The following DNAH17 variants were observed in gnomAD, a reference collection of about 807,000 sequenced individuals.
DNAH17 encodes dynein axonemal heavy chain 17.
Under a neutral mutation model 485.6 loss-of-function variants are expected in DNAH17, and 376 were observed. The ratio of observed to expected loss-of-function variants is 0.77; its 90% CI spans 0.71 to 0.84. The LOEUF (loss-of-function observed/expected upper bound fraction) is 0.84. Ranked by LOEUF, DNAH17 falls within the 40% of genes least tolerant of loss-of-function variation. The pLI, the probability that DNAH17 is intolerant of heterozygous loss-of-function variation, is 0.00. For missense variants in DNAH17, 6,370 were observed against 5,839.3 expected (o/e 1.09, Z -2.96); for synonymous variants, 3,031 against 2,405.9 (o/e 1.26, Z -7.60).
chr17:78,494,309 A>T, intron 40 of DNAH17, 136 bp from the exon 41 acceptor site: 6 of 1,310,474 alleles, frequency 4.6e-6, no homozygotes, highest in Non-Finnish European at 6.1e-6. Context: ...TGCGTCTGCA[A>T]GTTCTGCTGT....
intron 30 of DNAH17, 149 bp downstream of exon 30, chr17:78,506,571 G>T: frequency 8.5e-7 from 1 of 1,177,126 alleles, no homozygotes; most frequent in Non-Finnish European, 1.2e-6. Flanking sequence ...GGGGACCCCA[G>T]GGCAGCTTCT....
chr17:78,466,810 G>GGAT lies in DNAH17; in HGVS notation c.8782_8784dup (p.Ile2928dup). 2 of 1,585,318 alleles carry GGAT rather than the reference G, an allele frequency of 1.3e-6. No individual in the cohort carries two copies. Among genetic ancestry groups the GGAT allele is most frequent in the Non-Finnish European group, 1.7e-6 (2 of 1,166,486 alleles). On this transcript the variant is annotated inframe_insertion, in exon 56 of 81. Coordinates refer to ENST00000389840, the MANE Select transcript of DNAH17 (RefSeq NM_173628.4). Reference sequence around the variant, plus strand: ...ACGGAGCCCACAGGGGAGAAACACAGGATCACCTGGGTGTGGGAGACACAG... The same window carrying GGAT: ...ACGGAGCCCACAGGGGAGAAACACAGGATGATCACCTGGGTGTGGGAGACACAG...
At chr17:78,501,698 T>TC (rs753505938) in intron 34 of DNAH17, 44 bp downstream of exon 34, 1 of 1,599,952 alleles carries the variant, frequency 6.3e-7, no homozygotes, top group South Asian at 1.1e-5. Flanking sequence ...GAACCCGGTG[T>TC]CCCCTTGCCC....
chr17:78,462,612 C>A (rs1456486465), intron 57 of DNAH17, among the ~76,000 whole-genome samples: 2 of 152,212 alleles, frequency 1.3e-5, no homozygotes, highest in African/African-American at 4.8e-5. Context: ...GTGTAATGCG[C>A]CCTCCATACA....
chr17:78,510,751 G>GCGCCC (rs5822246), intron 26 of DNAH17: 30 of 378,308 alleles, frequency 7.9e-5, no homozygotes, highest in African/African-American at 5.6e-4. Context: ...CGGAATTGCG[G>GCGCCC]CCCCCCCGCA....
chr17:78,521,656 G>T (rs2090937621), intron 25 of DNAH17, among the ~76,000 whole-genome samples: 2 of 152,194 alleles, frequency 1.3e-5, no homozygotes, highest in African/African-American at 4.8e-5. Flanking sequence ...TGATAAAATG[G>T]ATTATACCCA....
chr17:78,513,354 GACA>G lies in DNAH17; in HGVS notation c.4113+1417_4113+1419del, dbSNP rs1189014847. ...ATTTTACCCCAAAATATGTTTCTTT[GACA>G]TAGTTTGAAATAGTCCTGCAAAGCT... On this transcript the variant is annotated intron_variant, in intron 26 of 80. Coordinates refer to ENST00000389840, the MANE Select transcript of DNAH17 (RefSeq NM_173628.4). Among the ~76,000 whole-genome samples the G allele has an allele frequency of 2.0e-5, 3 of 152,188 alleles. No homozygotes were observed. The East Asian group carries it at 5.8e-4, about 29-fold the overall frequency.
intron 26 of DNAH17, among the ~76,000 whole-genome samples, chr17:78,511,194 A>G (rs1598617542): frequency 6.6e-6 from 1 of 151,986 alleles, no homozygotes; most frequent in African/African-American, 2.4e-5. Context: ...TGGAACCTCC[A>G]CCTCCCGGGT....
intron 54 of DNAH17, chr17:78,472,782 C>G (rs1373708112): frequency 2.2e-6 from 1 of 454,232 alleles, no homozygotes; most frequent in Non-Finnish European, 4.4e-6. Context: ...CTCGTCGCAC[C>G]TGCCCACTTT....
intron 28 of DNAH17, 37 bp from the exon 29 acceptor site, chr17:78,507,406 C>T (rs776395050): frequency 8.7e-6 from 14 of 1,613,838 alleles, no homozygotes; most frequent in East Asian, 6.7e-5. Flanking sequence ...CATTAGGGAT[C>T]GCCACACACA....
At chr17:78,445,197 C>T (rs192117910) in intron 70 of DNAH17, among the ~76,000 whole-genome samples, 123 of 22,804 alleles carry the variant, frequency 5.4e-3, no homozygotes, top group Middle Eastern at 0.028. Context: ...ACTTCCCTTA[C>T]GCTGGGAGGA....
Position 78,533,516 on chromosome 17 carries a change from C to T in DNAH17, c.2860-780G>A, listed in dbSNP as rs536944178. On this transcript the variant is annotated intron_variant, in intron 19 of 80. Transcript: ENST00000389840. ...CTGTCGGTGGCTAGAGCAGAGAGCA[C>T]GAGAGGCCAGTGCTATACGGATCTT... Among the ~76,000 whole-genome samples, 5 of 152,196 alleles carry T rather than the reference C, an allele frequency of 3.3e-5. No individual in the cohort carries two copies. In the South Asian group the frequency reaches 6.2e-4, roughly 19 times the overall value.
At position 78,425,756 on chromosome 17, in the gene DNAH17, C is replaced by CTTTTTTTTTTTTTTTTT. The variant is rs71160294; in HGVS notation, c.12916-202_12916-186dup. 7.5e-5 allele frequency among the ~76,000 whole-genome samples: 9 copies of CTTTTTTTTTTTTTTTTT among 120,744 alleles called. 1 individual carries two copies. Among genetic ancestry groups the CTTTTTTTTTTTTTTTTT allele is most frequent in the African/African-American group, 3.4e-4 (9 of 26,236 alleles). 79.2% of individuals were successfully genotyped at this position (120,744 alleles called of 152,430 possible). On this transcript the variant is annotated intron_variant, in intron 79 of 80. Transcript: ENST00000389840. Reference sequence around the variant, plus strand: ...TACCATGACGCAACTTTGGTGTCTGCTTTTTTTTTTTTTTTTTTTTTTTTT... The same window carrying CTTTTTTTTTTTTTTTTT: ...TACCATGACGCAACTTTGGTGTCTGCTTTTTTTTTTTTTTTTTTTTTTTTTTTTTTTTTTTTTTTTTT...
chr17:78,537,187 A>AAAG (rs1555686712), intron 19 of DNAH17, 112 bp downstream of exon 19: 57,800 of 1,038,424 alleles, frequency 0.056, 93 homozygotes, highest in Non-Finnish European at 0.06. Flanking sequence ...CAAAAAAAAA[A>AAAG]AAAGAAAAAA....
intron 58 of DNAH17, among the ~76,000 whole-genome samples, chr17:78,461,137 C>T (rs184679634): frequency 3.3e-5 from 5 of 152,112 alleles, no homozygotes; most frequent in South Asian, 2.1e-4. Flanking sequence ...GGCCCGGAGC[C>T]GCACGTCTGA....
At chr17:78,569,696 C>CT (rs1432525282) in intron 7 of DNAH17, among the ~76,000 whole-genome samples, 169 bp from the exon 8 acceptor site, 6 of 152,274 alleles carry the variant, frequency 3.9e-5, no homozygotes, top group Non-Finnish European at 7.3e-5. Flanking sequence ...GCTGCTTCCC[C>CT]TCCTCGGCCC....
rs2088504404 is a variant in DNAH17, at chr17:78,467,050, G to A, written c.8779-234C>T. ...AGCAGTCCCAATCCCTCTGGAAGGG[G>A]CCCTTGCCTCTCTAAAAAAGGCCGG... On this transcript the variant is annotated intron_variant, in intron 55 of 80. Coordinates refer to ENST00000389840, the MANE Select transcript of DNAH17 (RefSeq NM_173628.4). 2.0e-5 allele frequency among the ~76,000 whole-genome samples: 3 copies of A among 152,222 alleles called. No individual in the cohort carries two copies. The South Asian group carries it at 6.2e-4, about 32-fold the overall frequency.
rs1406014410 is a variant in DNAH17, at chr17:78,465,183, C to T, written c.8940+1472G>A. 6.6e-5 allele frequency among the ~76,000 whole-genome samples: 10 copies of T among 152,328 alleles called. No homozygotes were observed. The East Asian group carries it at 1.4e-3, about 21-fold the overall frequency. On this transcript the variant is annotated intron_variant, in intron 56 of 80. Transcript: ENST00000389840. ...CTAACCGCAAGTGATCCGCCAGCCT[C>T]GGCCTCCCGAGGTGCCGGGATTGCA...
chr17:78,438,455 A>AGGAG (rs1189859133), intron 73 of DNAH17, among the ~76,000 whole-genome samples: 2 of 82,554 alleles, frequency 2.4e-5, no homozygotes, highest in Admixed American at 1.3e-4. Flanking sequence ...GGGAGGAGGG[A>AGGAG]GGAGGAGGAG....
Sources: allele counts gnomAD v4.1 joint callset (sites outside exome capture counted in the v4.1 genomes callset), GRCh38; gene constraint gnomAD v4.1.1; transcripts MANE v1.5; gene names NCBI Gene and HGNC (gene_info 2026-07-23, HGNC 2026-07-21).